The following BOP1 variants were observed in gnomAD, a reference collection of about 807,000 sequenced individuals.
BOP1 encodes the protein ribosome biogenesis protein BOP1.
Under a neutral mutation model 82.9 loss-of-function variants are expected in BOP1, and 54 were observed. The observed-to-expected ratio is 0.65, with a 90% confidence interval of 0.52 to 0.82. BOP1 has a LOEUF of 0.82. BOP1 is among the 40% of genes least tolerant of loss of function. The pLI is 0.00. For missense variants in BOP1, 1,170 were observed against 1,072.0 expected (o/e 1.09, Z -1.28); for synonymous variants, 566 against 451.1 (o/e 1.25, Z -3.23).
Position 144,289,436 on chromosome 8 carries a change from C to G in BOP1, c.100-132G>C, listed in dbSNP as rs1814972786. 43 of 888,148 alleles carry G rather than the reference C, an allele frequency of 4.8e-5. No individual in the cohort carries two copies. In the South Asian group the frequency reaches 6.9e-4, roughly 14 times the overall value. The allele number at this position is 888,148 out of a possible 1,614,324, so 55.0% of individuals were successfully genotyped here. A position where few individuals can be genotyped will look rare whatever the true frequency, so the allele number is the denominator to read the frequency against. On this transcript the variant is annotated intron_variant, in intron 1 of 15. Coordinates refer to ENST00000569669, the MANE Select transcript of BOP1 (RefSeq NM_015201.5). Reference sequence around the variant, plus strand: ...ATGTGGCCTCCAGGACCACACCCCTCCAGTCACAAACTTCCACCAAAAGCA... The same window carrying G: ...ATGTGGCCTCCAGGACCACACCCCTGCAGTCACAAACTTCCACCAAAAGCA...
chr8:144,281,616 A>ACTTTCATACCAGGTCTTT (rs879999220), intron 2 of BOP1: 1 of 144,722 alleles, frequency 6.9e-6, no homozygotes, highest in African/African-American at 2.7e-5. Context: ...ACCAGGTCTT[A>ACTTTCATACCAGGTCTTT]GGCCTTCTCT....
At chr8:144,266,433 G>A (rs1845365156) in intron 3 of BOP1, 4 of 893,548 alleles carry the variant, frequency 4.5e-6, no homozygotes, top group African/African-American at 1.8e-5. Flanking sequence ...CTATAAAGGC[G>A]CAGCTCGGGG....
chr8:144,266,640 G>T (rs1163564636), intron 3 of BOP1: 12 of 1,238,644 alleles, frequency 9.7e-6, no homozygotes, highest in Non-Finnish European at 1.2e-5. Flanking sequence ...TGCGCCCGGC[G>T]CCGCCGGGCC....
intron 2 of BOP1, among the ~76,000 whole-genome samples, chr8:144,280,729 T>C (rs1845655147): frequency 1.3e-5 from 2 of 152,102 alleles, no homozygotes; most frequent in African/African-American, 2.4e-5. Flanking sequence ...GGCGCTCACC[T>C]GTAATCACAG....
intron 6 of BOP1, 29 bp from the exon 7 acceptor site, chr8:144,264,466 A>G (rs1845309828): frequency 3.7e-6 from 6 of 1,607,186 alleles, no homozygotes; most frequent in Non-Finnish European, 5.1e-6. Context: ...CAGGACGGGC[A>G]GTGCGGGGCG....
In BOP1 at chr8:144,263,128, A is replaced by G. The variant is rs1845266624; in HGVS notation, c.1619T>C (p.Val540Ala). Residue 540 changes from valine to alanine, a missense_variant, in exon 13 of 16, where the codon GTG (valine) becomes GCG (alanine). By Grantham distance (64) the Val-to-Ala change is moderately conservative. Transcript: ENST00000569669. ...RICHGKPVTQ[V>A]TWHGRGDYLA... ...GTAGTCCCCACGCCCGTGCCAGGTC[A>G]CCTGCGTCACTGGCTGCAGGAGAGC... 6.3e-7 allele frequency: 1 copy of G among 1,593,706 alleles called. No individual in the cohort carries two copies. Among genetic ancestry groups the G allele is most frequent in the Non-Finnish European group, 8.5e-7 (1 of 1,178,828 alleles).
chr8:144,267,937 G>A (rs1172928473), intron 3 of BOP1, among the ~76,000 whole-genome samples: 1 of 152,232 alleles, frequency 6.6e-6, no homozygotes, highest in Non-Finnish European at 1.5e-5. Flanking sequence ...TTTCGGCTGT[G>A]CAGCAGTATG....
At chr8:144,266,453 G>GGCCCGGGACGCACATGT in intron 3 of BOP1, 1 of 966,824 alleles carries the variant, frequency 1.0e-6, no homozygotes, top group Non-Finnish European at 1.2e-6. Flanking sequence ...GCCCCGCTCC[G>GGCCCGGGACGCACATGT]GCCCGGGACG....
intron 3 of BOP1, chr8:144,266,759 T>A: frequency 1.9e-6 from 2 of 1,051,576 alleles, no homozygotes; most frequent in Non-Finnish European, 2.3e-6. Context: ...CGCTGCGGCC[T>A]CCAGGGCGCC....
In BOP1 at chr8:144,264,582, A is replaced by T; in HGVS notation, c.698T>A (p.Ile233Asn). 6.2e-7 allele frequency: 1 copy of T among 1,608,338 alleles called. No individual in the cohort carries two copies. Among genetic ancestry groups the T allele is most frequent in the South Asian group, 1.1e-5 (1 of 90,350 alleles). The stretch of plus-strand genomic sequence containing the variant: ...GGCCGGGCGGTTGGTCACCGGGTGG[A>T]TCATGACGTCCCCGCTGAAGAAGTC... Reference protein sequence around the residue: ...AVDFFSGDVMIHPVTNRPADK... With the variant: ...AVDFFSGDVMNHPVTNRPADK... Residue 233 changes from isoleucine to asparagine, a missense_variant, in exon 6 of 16, where the codon ATC becomes AAC. Coordinates refer to ENST00000569669, the MANE Select transcript of BOP1 (RefSeq NM_015201.5).
At chr8:144,268,107 A>C (rs1411112411) in intron 3 of BOP1, 1 of 1,551,094 alleles carries the variant, frequency 6.4e-7, no homozygotes, top group Non-Finnish European at 8.7e-7. Flanking sequence ...TCTGCAGAGC[A>C]AGGACCGCGA....
chr8:144,267,044 A>C (rs1380719390), intron 3 of BOP1: 99 of 1,508,042 alleles, frequency 6.6e-5, no homozygotes, highest in Non-Finnish European at 8.5e-5. Context: ...CAGCCCTGCC[A>C]CTCCGGGCCC....
chr8:144,266,487 A>G (rs1405565831), intron 3 of BOP1: 18 of 985,430 alleles, frequency 1.8e-5, no homozygotes, highest in Non-Finnish European at 2.2e-5. Context: ...GACGCCCGGC[A>G]GCTGCCACCG....
At chr8:144,289,004 G>A (rs1814959646) in intron 2 of BOP1, 91 bp downstream of exon 2, 12 of 1,396,616 alleles carry the variant, frequency 8.6e-6, no homozygotes, top group South Asian at 7.2e-5. Flanking sequence ...TCTGAGGGAC[G>A]GTGGAGAAGG....
intron 3 of BOP1, among the ~76,000 whole-genome samples, chr8:144,274,616 A>G (rs2130235378): frequency 6.6e-6 from 1 of 152,268 alleles, no homozygotes; most frequent in South Asian, 2.1e-4. Context: ...ACCGGGCAGC[A>G]CCCGGGCTCC....
chr8:144,290,492 A>T (rs532287378), intron 1 of BOP1, among the ~76,000 whole-genome samples: 1 of 152,358 alleles, frequency 6.6e-6, no homozygotes, highest in East Asian at 1.9e-4. Context: ...CCGAGTGTTC[A>T]CACAATGCCT....
rs1845566727 is a variant in BOP1 at position 144,276,265 on chromosome 8, G to A, written c.349C>T (p.Arg117Trp). The A allele has an allele frequency of 1.9e-5, 30 of 1,613,584 alleles. No individual in the cohort carries two copies. The highest frequency in any genetic ancestry group is 3.3e-5 in the South Asian group (3 of 91,068). ...PCPRTEMASA[R>W]IGDEYAEDSS... Reference sequence around the variant, plus strand: ...TCCTCCGCATACTCATCCCCAATCCGGGCGCTCGCCATCTCTGTCCTCGGG... The same window carrying A: ...TCCTCCGCATACTCATCCCCAATCCAGGCGCTCGCCATCTCTGTCCTCGGG... Residue 117 changes from arginine to tryptophan, a missense_variant, in exon 3 of 16, where the codon CGG (arginine) becomes TGG (tryptophan). Physicochemically the swap from Arg to Trp is moderately radical, Grantham distance 101 (BLOSUM62 -3). Transcript: ENST00000569669.
chr8:144,266,812 G>A, intron 3 of BOP1: 2 of 1,163,614 alleles, frequency 1.7e-6, no homozygotes, highest in Non-Finnish European at 2.1e-6. Context: ...CGGGGGGCCA[G>A]GGGGCCGGCC....
chr8:144,273,785 G>A (rs1845530226), intron 3 of BOP1, among the ~76,000 whole-genome samples: 2 of 150,846 alleles, frequency 1.3e-5, no homozygotes, highest in African/African-American at 2.5e-5. Context: ...CAGCTCAGCC[G>A]GCTCCTGGGG....
Sources: gnomAD v4.1 joint callset for allele counts (sites outside exome capture counted in the v4.1 genomes callset) on GRCh38, gnomAD v4.1.1 for gene constraint, MANE v1.5 for transcripts, NCBI Gene and HGNC (gene_info 2026-07-23, HGNC 2026-07-21) for gene names.